The following NRG1 variants were observed in gnomAD, a reference collection of about 807,000 sequenced individuals.
NRG1 encodes pro-neuregulin-1, membrane-bound isoform.
A neutral mutation model predicts 63.8 loss-of-function variants in NRG1; 18 were observed. The observed-to-expected ratio is 0.28, with a 90% CI of 0.19 to 0.42. The LOEUF (loss-of-function observed/expected upper bound fraction) is 0.42, where lower values mean the gene tolerates loss of function less well. NRG1 is among the 10% of genes least tolerant of loss of function. NRG1 has a pLI of 1.00. For missense variants in NRG1, 762 were observed against 814.7 expected (o/e 0.94, Z 0.79); for synonymous variants, 302 against 301.3 (o/e 1.00, Z -0.02).
At chr8:32,152,815 G>C (rs149411150) in intron 1 of NRG1, among the ~76,000 whole-genome samples, 226 of 152,240 alleles carry the variant, frequency 1.5e-3, no homozygotes, top group African/African-American at 5.2e-3. Flanking sequence ...ATAAAAACCT[G>C]TGTATCCCCT....
At chr8:32,734,346 T>C (rs953628517) in intron 6 of NRG1, among the ~76,000 whole-genome samples, 3 of 152,220 alleles carry the variant, frequency 2.0e-5, no homozygotes, top group Non-Finnish European at 2.9e-5. Context: ...AGTCTCATCA[T>C]CATGGCTGCA....
Position 32,605,698 on chromosome 8 carries a change from C to G in NRG1, c.400+15C>G. On this transcript the variant is annotated intron_variant, in intron 3 of 11. Coordinates refer to ENST00000356819, the Ensembl canonical transcript of NRG1. ...GGAATCAAACGGTAAGAGATACCTA[C>G]GGTATTCTGTTCCTCAATCTGTAAC... 1 of 1,611,356 alleles carries G rather than the reference C, an allele frequency of 6.2e-7. No individual in the cohort carries two copies. The highest frequency in any genetic ancestry group is 8.5e-7 in the Non-Finnish European group (1 of 1,178,338).
upstream of NRG1, among the ~76,000 whole-genome samples, chr8:32,544,037 CAG>C (rs1832819897): frequency 6.6e-6 from 1 of 152,134 alleles, no homozygotes; most frequent in Non-Finnish European, 1.5e-5. Context: ...TTGCTTATCT[CAG>C]TTTTGTGTGT....
At chr8:32,451,902 T>C (rs1821001429) in intron 1 of NRG1, among the ~76,000 whole-genome samples, 3 of 152,164 alleles carry the variant, frequency 2.0e-5, no homozygotes, top group African/African-American at 4.8e-5. Context: ...GTTGGCTCAC[T>C]GCAGCCTCCA....
chr8:31,692,897 G>A (rs59618557), intron 1 of NRG1, among the ~76,000 whole-genome samples: 9 of 152,254 alleles, frequency 5.9e-5, no homozygotes, highest in East Asian at 1.9e-4. Flanking sequence ...TCTTAAAACC[G>A]AAAACCTCAG....
chr8:31,808,253 G>A (rs753927242), intron 1 of NRG1, among the ~76,000 whole-genome samples: 11 of 151,646 alleles, frequency 7.3e-5, no homozygotes, highest in East Asian at 3.9e-4. Flanking sequence ...TACTTTCTTT[G>A]TGTAAGCTGA....
chr8:32,585,107 T>G (rs1841369323), intron 1 of NRG1, among the ~76,000 whole-genome samples: 1 of 152,058 alleles, frequency 6.6e-6, no homozygotes, highest in Non-Finnish European at 1.5e-5. Context: ...AATAAGAAAA[T>G]AAGTAAATAT....
At chr8:31,939,189 ATATC>A (rs1801390100) in intron 1 of NRG1, among the ~76,000 whole-genome samples, 1 of 152,216 alleles carries the variant, frequency 6.6e-6, no homozygotes, top group Non-Finnish European at 1.5e-5. Flanking sequence ...CTATGAAGAA[ATATC>A]TATCAGGTTA....
intron 1 of NRG1, among the ~76,000 whole-genome samples, chr8:32,540,949 T>C (rs1272855254): frequency 6.6e-6 from 1 of 152,228 alleles, no homozygotes; most frequent in Non-Finnish European, 1.5e-5. Flanking sequence ...AGTTAGCTAA[T>C]TGTTCTGCTA....
At chr8:31,955,403 T>A (rs1318972858) in intron 1 of NRG1, among the ~76,000 whole-genome samples, 1 of 152,148 alleles carries the variant, frequency 6.6e-6, no homozygotes, top group East Asian at 1.9e-4. Flanking sequence ...GAAAAGTGAA[T>A]GTACAGTTTC....
At chr8:32,481,241 G>A (rs1423748331) in intron 1 of NRG1, among the ~76,000 whole-genome samples, 4 of 152,064 alleles carry the variant, frequency 2.6e-5, no homozygotes, top group African/African-American at 9.7e-5. Context: ...CTACTCAAGA[G>A]GCTGAGGTGG....
intron 1 of NRG1, among the ~76,000 whole-genome samples, chr8:31,954,237 C>A (rs1183976540): frequency 6.6e-6 from 1 of 152,092 alleles, no homozygotes; most frequent in Non-Finnish European, 1.5e-5. Flanking sequence ...CCATTCCAAC[C>A]CCCATTTAGA....
chr8:31,911,581 C>T (rs1424187697), intron 1 of NRG1, among the ~76,000 whole-genome samples: 1 of 152,014 alleles, frequency 6.6e-6, no homozygotes, highest in Non-Finnish European at 1.5e-5. Context: ...CTGGGTCTTA[C>T]CAGATGGAGG....
At position 32,315,978 on chromosome 8, in the gene NRG1, G is replaced by A. The variant is rs147389017; in HGVS notation, c.38-279850G>A. Among the ~76,000 whole-genome samples, 87 of 144,578 alleles carry A rather than the reference G, an allele frequency of 6.0e-4. No homozygotes were observed. In the East Asian group the frequency reaches 0.015, roughly 25 times the overall value. The allele number at this position is 144,578 out of a possible 152,430, so 94.8% of individuals were successfully genotyped here. On this transcript the variant is annotated intron_variant, in intron 1 of 10. Coordinates refer to the NRG1 transcript ENST00000519301. ...GTACATAGAAAGGAACAGAAACTGC[G>A]TATCTTGTCTTCCCAACTGAAAGGA...
chr8:32,055,900 A>G (rs1166539718), intron 1 of NRG1, among the ~76,000 whole-genome samples: 1 of 152,244 alleles, frequency 6.6e-6, no homozygotes, highest in East Asian at 1.9e-4. Flanking sequence ...CAGACTAGGT[A>G]GGAGAGGATC....
chr8:31,845,106 C>CAAAT (rs3052830), intron 1 of NRG1, among the ~76,000 whole-genome samples: 28,411 of 146,128 alleles, frequency 0.19, 3,299 homozygotes, highest in African/African-American at 0.31. Context: ...GACTCCGTCT[C>CAAAT]AAATAAATAA....
At chr8:31,943,945 G>A (rs926266038) in intron 1 of NRG1, among the ~76,000 whole-genome samples, 10 of 152,196 alleles carry the variant, frequency 6.6e-5, no homozygotes, top group African/African-American at 2.4e-4. Context: ...ACCAATCTGT[G>A]GCCTAAGATA....
Position 31,640,380 on chromosome 8 carries a change from G to A in NRG1, c.37+949G>A, listed in dbSNP as rs552381232. 6.5e-5 allele frequency: 84 copies of A among 1,294,554 alleles called. No homozygotes were observed. The African/African-American group carries it at 8.9e-4, about 14-fold the overall frequency. The allele number at this position is 1,294,554 out of a possible 1,614,324, so 80.2% of individuals were successfully genotyped here. On this transcript the variant is annotated intron_variant, in intron 1 of 10. Coordinates refer to the NRG1 transcript ENST00000519301. This position sits in a 1 kb window ranked among gnomAD's most constrained non-coding sequence, Gnocchi z 6.3. ...CGCTGGGGCCGCCCGCCGAGGAGCC[G>A]CTGCTCGCCGCCAACGGGACCGTGC... is the stretch of plus-strand genomic sequence containing the variant.
At chr8:32,154,408 A>G (rs983115000) in intron 1 of NRG1, among the ~76,000 whole-genome samples, 4 of 147,236 alleles carry the variant, frequency 2.7e-5, no homozygotes, top group African/African-American at 1.0e-4. Flanking sequence ...CCTCCCTTCC[A>G]CTTCCTGCCT....
Sources: gnomAD v4.1 joint callset for allele counts (sites outside exome capture counted in the v4.1 genomes callset) on GRCh38, gnomAD v4.1.1 for gene constraint, Gnocchi (gnomAD v3.1) non-coding constraint, MANE v1.5 for transcripts, NCBI Gene and HGNC (gene_info 2026-07-23, HGNC 2026-07-21) for gene names.